The following TAF4 variants were observed in gnomAD, a reference collection of about 807,000 sequenced individuals.
TAF4 encodes the protein TATA-box binding protein associated factor 4.
TAF4 carries 9 observed loss-of-function variants against 90.3 expected under a neutral mutation model. The ratio of observed to expected loss-of-function variants is 0.10; its 90% CI spans 0.06 to 0.17. The LOEUF is 0.17. Ranked by LOEUF, TAF4 falls within the 10% of genes least tolerant of loss-of-function variation. The probability of loss-of-function intolerance (pLI) is 1.00; values close to 1 mark genes in which losing one functional copy is unlikely to be tolerated. For missense variants in TAF4, 1,351 were observed against 1,370.7 expected (o/e 0.99, Z 0.23); for synonymous variants, 818 against 638.9 (o/e 1.28, Z -4.23).
At chr20:62,020,668 C>T (rs1006003109) in intron 1 of TAF4, among the ~76,000 whole-genome samples, 3 of 152,218 alleles carry the variant, frequency 2.0e-5, no homozygotes, top group African/African-American at 7.2e-5. Context: ...CCAGCATCAA[C>T]CCAGACACCA....
rs567110556 is a variant in TAF4, at chr20:62,006,806, G to C, written c.1975-48C>G. ...GGGGTCAGGCGGCTGCTCATGCGTC[G>C]GTTTTCCTTGCTTAAAAATTCAGAA... On this transcript the variant is annotated intron_variant, in intron 6 of 14. Transcript: ENST00000252996. This position sits in a 1 kb window ranked among gnomAD's most constrained non-coding sequence, Gnocchi z 7.0. 2 of 1,417,084 alleles carry C rather than the reference G, an allele frequency of 1.4e-6. No homozygotes were observed. Among genetic ancestry groups the C allele is most frequent in the South Asian group, 1.6e-5 (1 of 61,256 alleles). 87.8% of individuals were successfully genotyped at this position (1,417,084 alleles called of 1,614,324 possible). A position where few individuals can be genotyped will look rare whatever the true frequency, so the allele number is the denominator to read the frequency against.
rs1468996530 is a variant in TAF4, at chr20:62,006,952, T to C, written c.1975-194A>G. On this transcript the variant is annotated intron_variant, in intron 6 of 14. Coordinates refer to ENST00000252996, the MANE Select transcript of TAF4 (RefSeq NM_003185.4). The surrounding 1 kb of genome is among the most constrained non-coding windows in gnomAD (Gnocchi z 7.0). Reference sequence around the variant, plus strand: ...CCCTCCCACTAAGTGGGATTATTCCTGATAGCAAATGTCCAAAATGTGTTC... The same window carrying C: ...CCCTCCCACTAAGTGGGATTATTCCCGATAGCAAATGTCCAAAATGTGTTC... 6.5e-6 allele frequency: 4 copies of C among 615,502 alleles called. No individual in the cohort carries two copies. The highest frequency in any genetic ancestry group is 1.9e-5 in the African/African-American group (1 of 52,450). The allele number at this position is 615,502 out of a possible 1,614,324, so 38.1% of individuals were successfully genotyped here. A position where few individuals can be genotyped will look rare whatever the true frequency, so the allele number is the denominator to read the frequency against.
intron 9 of TAF4, 94 bp from the exon 10 acceptor site, chr20:62,000,815 C>T (rs2055695495): frequency 7.0e-7 from 1 of 1,431,868 alleles, no homozygotes; most frequent in Admixed American, 1.8e-5. Flanking sequence ...ACGTGGAAGG[C>T]AGGGCCGTGA....
At chr20:62,026,163 T>A (rs2055873420) in intron 1 of TAF4, among the ~76,000 whole-genome samples, 1 of 152,116 alleles carries the variant, frequency 6.6e-6, no homozygotes, top group Non-Finnish European at 1.5e-5. Flanking sequence ...GCACACGACC[T>A]TCCCCCACCA....
chr20:61,989,086 G>A (rs1038996419), intron 14 of TAF4, among the ~76,000 whole-genome samples: 6 of 152,146 alleles, frequency 3.9e-5, no homozygotes, highest in South Asian at 2.1e-4. Flanking sequence ...GGATGGGGGC[G>A]GCTAAACGGA....
At chr20:62,029,091 G>A (rs2055889287) in intron 1 of TAF4, among the ~76,000 whole-genome samples, 1 of 151,916 alleles carries the variant, frequency 6.6e-6, no homozygotes. Context: ...AGCTACTCAG[G>A]AGGCTGAGGC....
chr20:62,056,130 G>A (rs367803557), intron 1 of TAF4, among the ~76,000 whole-genome samples: 47 of 152,278 alleles, frequency 3.1e-4, no homozygotes, highest in African/African-American at 9.1e-4. Flanking sequence ...CCAGCTGCTC[G>A]GGAGGCTGAG....
chr20:61,997,688 G>C lies in TAF4; in HGVS notation c.2971-19C>G, dbSNP rs749978961. ...GCTGCATCTTTTATTTTGAAAAGGA[G>C]ACAAGGAGCATCATTTCTTGCATGT... On this transcript the variant is annotated intron_variant, in intron 13 of 14. Transcript: ENST00000252996. 6.2e-7 allele frequency: 1 copy of C among 1,605,206 alleles called. No homozygotes were observed. Among genetic ancestry groups the C allele is most frequent in the Non-Finnish European group, 8.5e-7 (1 of 1,176,526 alleles).
intron 14 of TAF4, among the ~76,000 whole-genome samples, chr20:61,990,254 C>G (rs1224371859): frequency 6.6e-6 from 1 of 152,214 alleles, no homozygotes; most frequent in African/African-American, 2.4e-5. Flanking sequence ...ACGAAGCAGA[C>G]AGCGTGATGC....
intron 1 of TAF4, among the ~76,000 whole-genome samples, chr20:62,024,819 G>A (rs1206196571): frequency 6.6e-6 from 1 of 151,808 alleles, no homozygotes; most frequent in East Asian, 1.9e-4. Context: ...ACAGTGAGCC[G>A]AGATCATGCC....
At chr20:62,064,340 C>A in intron 1 of TAF4, 111 bp downstream of exon 1, 1 of 1,200,170 alleles carries the variant, frequency 8.3e-7, no homozygotes, top group Non-Finnish European at 1.1e-6. Context: ...GCTCCAGCCA[C>A]GGGCCTACGG....
At chr20:62,047,834 A>G (rs2056002135) in intron 1 of TAF4, among the ~76,000 whole-genome samples, 1 of 152,230 alleles carries the variant, frequency 6.6e-6, no homozygotes, top group African/African-American at 2.4e-5. Context: ...AATGTCAATC[A>G]TACCAAAAAG....
chr20:62,035,400 G>A (rs773782627), intron 1 of TAF4, among the ~76,000 whole-genome samples: 99 of 152,112 alleles, frequency 6.5e-4, no homozygotes, highest in Admixed American at 9.2e-4. Flanking sequence ...GGCTAGAAAC[G>A]GATGCCACAT....
chr20:62,001,581 C>T (rs1404992374), intron 9 of TAF4, among the ~76,000 whole-genome samples: 7 of 152,120 alleles, frequency 4.6e-5, no homozygotes, highest in South Asian at 4.1e-4. Context: ...CTCCTGGGGT[C>T]GTTGTGTCTC....
In TAF4 at chr20:62,065,701, G is replaced by A. The variant is rs753119346; in HGVS notation, c.110C>T (p.Ala37Val). Residue 37 changes from alanine to valine, a missense_variant, in exon 1 of 15, where the codon GCG becomes GTG. Ala to Val is a moderately conservative substitution (Grantham distance 64). Around this residue, in one of 9 missense-constraint regions of TAF4, gnomAD observed 782 missense variants for 536.6 expected, o/e 1.46. Coordinates refer to ENST00000252996, the MANE Select transcript of TAF4 (RefSeq NM_003185.4). ...CGGCGCGAGGTGGTGGTGGTGGGCC[G>A]CGCTGGCCGCCAGCTGCGACTCCAG... is the stretch of plus-strand genomic sequence containing the variant. ...GSLESQLAAS[A>V]AHHHHLAPRT... 2.4e-6 allele frequency: 3 copies of A among 1,266,392 alleles called. No homozygotes were observed. The highest frequency in any genetic ancestry group is 3.2e-5 in the African/African-American group (2 of 62,742). The allele number at this position is 1,266,392 out of a possible 1,614,324, so 78.4% of individuals were successfully genotyped here. A position where few individuals can be genotyped will look rare whatever the true frequency, so the allele number is the denominator to read the frequency against.
In TAF4 at chr20:61,986,048, C is replaced by CA. The variant is rs201115122; in HGVS notation, c.3091-9714dup. 4.2e-3 allele frequency among the ~76,000 whole-genome samples: 517 copies of CA among 122,656 alleles called. 22 individuals are homozygous for CA. Among genetic ancestry groups the CA allele is most frequent in the African/African-American group, 0.014 (475 of 33,140 alleles). The allele number at this position is 122,656 out of a possible 152,430, so 80.5% of individuals were successfully genotyped here. A position where few individuals can be genotyped will look rare whatever the true frequency, so the allele number is the denominator to read the frequency against. On this transcript the variant is annotated intron_variant, in intron 14 of 14. Transcript: ENST00000252996. The stretch of plus-strand genomic sequence containing the variant: ...CATCAAAGGAAACACCATCCCCCAT[C>CA]AAAGGAAACACCATCCCCAATCAAA...
chr20:61,996,730 C>T (rs1426384589), intron 14 of TAF4, among the ~76,000 whole-genome samples: 3 of 148,012 alleles, frequency 2.0e-5, no homozygotes, highest in Admixed American at 6.9e-5. Context: ...ACCTGGCAGG[C>T]GGAGGTTGCA....
intron 14 of TAF4, among the ~76,000 whole-genome samples, chr20:61,990,013 C>T (rs909257939): frequency 5.9e-5 from 9 of 152,120 alleles, no homozygotes; most frequent in African/African-American, 2.2e-4. Flanking sequence ...AATGCTAACA[C>T]GGCCATGGGA....
At chr20:62,017,189 A>G (rs1457464595) in intron 1 of TAF4, among the ~76,000 whole-genome samples, 2 of 152,074 alleles carry the variant, frequency 1.3e-5, no homozygotes, top group African/African-American at 4.8e-5. Context: ...AGAAGCCAAT[A>G]ATGGACGCAG....
Sources: allele counts gnomAD v4.1 joint callset (sites outside exome capture counted in the v4.1 genomes callset), GRCh38; gene constraint gnomAD v4.1.1; regional missense constraint gnomAD v4.1.1; non-coding constraint Gnocchi (gnomAD v3.1); transcripts MANE v1.5; gene names NCBI Gene and HGNC (gene_info 2026-07-23, HGNC 2026-07-21).